Variants in CMIP observed in about 807,000 individuals in gnomAD.
CMIP encodes c-Maf inducing protein.
In CMIP, 13 loss-of-function variants were observed where a neutral mutation model predicts 97.3. The ratio of observed to expected loss-of-function variants is 0.13; its 90% CI spans 0.09 to 0.21. The LOEUF (loss-of-function observed/expected upper bound fraction) is 0.21, where lower values mean the gene tolerates loss of function less well. CMIP is among the 10% of genes least tolerant of loss of function. The probability of loss-of-function intolerance (pLI) is 1.00; values close to 1 mark genes in which losing one functional copy is unlikely to be tolerated. For synonymous variants in CMIP, 538 were observed against 436.3 expected (o/e 1.23, Z -2.91); for missense variants, 847 against 1,024.9 (o/e 0.83, Z 2.37).
At chr16:81,522,555 C>T (rs1207856073) in intron 1 of CMIP, among the ~76,000 whole-genome samples, 1 of 152,238 alleles carries the variant, frequency 6.6e-6, no homozygotes, top group Non-Finnish European at 1.5e-5. Flanking sequence ...AATAAACACA[C>T]AATTTAGCAT....
Position 81,621,155 on chromosome 16 carries a change from C to G in CMIP, c.477+229C>G. 2 of 490,576 alleles carry G rather than the reference C, an allele frequency of 4.1e-6. No individual in the cohort carries two copies. Among genetic ancestry groups the G allele is most frequent in the Admixed American group, 3.5e-5 (1 of 28,418 alleles). The allele number at this position is 490,576 out of a possible 1,614,324, so 30.4% of individuals were successfully genotyped here. ...ATTCTCGCCCTGGTGTTCTCAAACCCTATAGCTGTTTTCCTGCTTCAAAAG... is the reference window on the plus strand; with the variant it reads ...ATTCTCGCCCTGGTGTTCTCAAACCGTATAGCTGTTTTCCTGCTTCAAAAG... On this transcript the variant is annotated intron_variant, in intron 3 of 20. Coordinates refer to ENST00000537098, the MANE Select transcript of CMIP (RefSeq NM_198390.3). The surrounding 1 kb of genome is among the most constrained non-coding windows in gnomAD (Gnocchi z 4.1).
chr16:81,538,017 A>G (rs2090379118), intron 1 of CMIP, among the ~76,000 whole-genome samples: 1 of 152,262 alleles, frequency 6.6e-6, no homozygotes, highest in Admixed American at 6.5e-5. Context: ...TCCACTCACC[A>G]GGGGCTTGCC....
intron 3 of CMIP, among the ~76,000 whole-genome samples, chr16:81,639,027 C>T (rs181085771): frequency 1.5e-3 from 229 of 152,194 alleles, no homozygotes; most frequent in African/African-American, 5.3e-3. Context: ...TCCAGAATGC[C>T]GAGGGAGAGT....
At chr16:81,475,083 GGA>G (rs1907816004) in intron 1 of CMIP, among the ~76,000 whole-genome samples, 1 of 152,140 alleles carries the variant, frequency 6.6e-6, no homozygotes. Flanking sequence ...CTGGCCCTCT[GGA>G]GAGGAGGGTG....
chr16:81,682,917 C>T (rs1005002174), intron 10 of CMIP, among the ~76,000 whole-genome samples: 1 of 152,168 alleles, frequency 6.6e-6, no homozygotes, highest in Admixed American at 6.5e-5. Flanking sequence ...CCGCATGAGG[C>T]GCAGGAGGGG....
chr16:81,623,206 C>T (rs1261804499), intron 3 of CMIP, among the ~76,000 whole-genome samples: 1 of 152,124 alleles, frequency 6.6e-6, no homozygotes, highest in Non-Finnish European at 1.5e-5. Context: ...CCCCATGCCC[C>T]ACCCCAAAAA....
chr16:81,566,439 A>C (rs1301299115), intron 1 of CMIP, among the ~76,000 whole-genome samples: 1 of 152,168 alleles, frequency 6.6e-6, no homozygotes, highest in Non-Finnish European at 1.5e-5. Flanking sequence ...GTGCCCACCC[A>C]TGCTACACTG....
chr16:81,445,352 C>G lies in CMIP; in HGVS notation c.111C>G (p.Ala37=). Residue 37 remains alanine, a synonymous_variant, in exon 1 of 21, where the codon GCC becomes GCG. Coordinates refer to ENST00000537098, the MANE Select transcript of CMIP (RefSeq NM_198390.3). ...CCCCCGAAGGCACGAAGATGGGCGC[C>G]GTGCCCTGCCGCCGGGCTCTTCTGC... ...VSAPEGTKMG[A]VPCRRALLLC... is the part of the protein sequence containing the mutation. The G allele has an allele frequency of 2.5e-6, 4 of 1,600,876 alleles. No individual in the cohort carries two copies. The highest frequency in any genetic ancestry group is 2.3e-5 in the East Asian group (1 of 44,156).
intron 1 of CMIP, among the ~76,000 whole-genome samples, chr16:81,589,558 C>G (rs1468738169): frequency 6.6e-6 from 1 of 152,006 alleles, no homozygotes; most frequent in East Asian, 1.9e-4. Flanking sequence ...GGCAGCCAGC[C>G]TGGCCCATGC....
chr16:81,672,274 C>G (rs1305690249), intron 9 of CMIP, among the ~76,000 whole-genome samples: 1 of 152,250 alleles, frequency 6.6e-6, no homozygotes, highest in African/African-American at 2.4e-5. Context: ...AAAGCAAGCA[C>G]TGAATCAGCA....
chr16:81,497,791 A>T (rs1369623790), intron 1 of CMIP, among the ~76,000 whole-genome samples: 2 of 152,238 alleles, frequency 1.3e-5, no homozygotes, highest in Non-Finnish European at 2.9e-5. Context: ...TGGCCGACAC[A>T]GGTGCCCCGC....
At chr16:81,673,747 A>G (rs950512849) in intron 9 of CMIP, among the ~76,000 whole-genome samples, 1 of 152,172 alleles carries the variant, frequency 6.6e-6, no homozygotes, top group Non-Finnish European at 1.5e-5. Flanking sequence ...CCATTAGTTT[A>G]TGGGGAACTT....
In CMIP at chr16:81,652,101, G is replaced by C. The variant is rs2092434846; in HGVS notation, c.478-102G>C. 5 of 884,922 alleles carry C rather than the reference G, an allele frequency of 5.7e-6. No individual in the cohort carries two copies. The highest frequency in any genetic ancestry group is 8.8e-6 in the Non-Finnish European group (5 of 571,014). 54.8% of individuals were successfully genotyped at this position (884,922 alleles called of 1,614,324 possible). A position where few individuals can be genotyped will look rare whatever the true frequency, so the allele number is the denominator to read the frequency against. On this transcript the variant is annotated intron_variant, in intron 3 of 20. Transcript: ENST00000537098. The surrounding 1 kb of genome is among the most constrained non-coding windows in gnomAD (Gnocchi z 5.2). ...ACTGGGCCAAGTTGTCAGTTTCTCA[G>C]GGCCCTTTACACCCTAACCCATCTG...
At chr16:81,446,310 T>C (rs1428204442) in intron 1 of CMIP, among the ~76,000 whole-genome samples, 1 of 151,980 alleles carries the variant, frequency 6.6e-6, no homozygotes, top group Non-Finnish European at 1.5e-5. Context: ...TTTAAATACA[T>C]GGGTAGGACT....
intron 1 of CMIP, among the ~76,000 whole-genome samples, chr16:81,531,110 ATCATGCTGGAGG>A (rs774569345): frequency 8.5e-5 from 13 of 152,262 alleles, no homozygotes; most frequent in Middle Eastern, 3.4e-3. Flanking sequence ...CCAAGTTAAG[ATCATGCTGGAGG>A]TCATGCGGGA....
chr16:81,499,872 G>C (rs2089564038), intron 1 of CMIP, among the ~76,000 whole-genome samples: 3 of 152,262 alleles, frequency 2.0e-5, no homozygotes, highest in Admixed American at 6.5e-5. Flanking sequence ...GTCAGCCCGG[G>C]CGAGACTCTC....
intron 1 of CMIP, among the ~76,000 whole-genome samples, chr16:81,559,818 C>T (rs1234169713): frequency 6.6e-6 from 1 of 152,142 alleles, no homozygotes; most frequent in Non-Finnish European, 1.5e-5. Flanking sequence ...AGCCATAAAA[C>T]AGCCTCAGGC....
intron 1 of CMIP, among the ~76,000 whole-genome samples, chr16:81,572,401 C>T (rs1039091145): frequency 3.3e-5 from 5 of 152,148 alleles, no homozygotes; most frequent in African/African-American, 2.4e-5. Context: ...TGGGGGCGTG[C>T]GAGGTTGGAT....
In CMIP at chr16:81,655,549, G is replaced by GCCATTCTA. The variant is rs2092472705; in HGVS notation, c.640-2226_640-2225insCCATTCTA. Among the ~76,000 whole-genome samples, 2 of 152,212 alleles carry GCCATTCTA rather than the reference G, an allele frequency of 1.3e-5. No homozygotes were observed. The highest frequency in any genetic ancestry group is 4.8e-5 in the African/African-American group (2 of 41,450). On this transcript the variant is annotated intron_variant, in intron 4 of 20. Transcript: ENST00000537098. This position sits in a 1 kb window ranked among gnomAD's most constrained non-coding sequence, Gnocchi z 4.9. ...ACCAGGGGTGGAAAATGGCCCTGGG[G>GCCATTCTA]GAGAGAAGGCTCCCTGTAGAATGCA...
Sources: allele counts gnomAD v4.1 joint callset (sites outside exome capture counted in the v4.1 genomes callset), GRCh38; gene constraint gnomAD v4.1.1; non-coding constraint Gnocchi (gnomAD v3.1); transcripts MANE v1.5; gene names NCBI Gene and HGNC (gene_info 2026-07-23, HGNC 2026-07-21).